The following COL25A1 variants were observed in gnomAD, a reference collection of about 807,000 sequenced individuals.
COL25A1 encodes the protein collagen alpha-1(XXV) chain.
A neutral mutation model predicts 128.4 loss-of-function variants in COL25A1; 103 were observed. The ratio of observed to expected loss-of-function variants is 0.80; its 90% CI spans 0.68 to 0.94. The LOEUF (loss-of-function observed/expected upper bound fraction) is 0.94. Among genes scored for constraint, COL25A1 ranks in the 40% least tolerant of loss-of-function variants. The probability of loss-of-function intolerance (pLI) is 0.00; values close to 1 mark genes in which losing one functional copy is unlikely to be tolerated. For synonymous variants in COL25A1, 279 were observed against 277.2 expected (o/e 1.01, Z -0.06); for missense variants, 745 against 840.0 (o/e 0.89, Z 1.40).
chr4:108,851,468 A>C (rs903266045), intron 26 of COL25A1, among the ~76,000 whole-genome samples: 1 of 152,142 alleles, frequency 6.6e-6, no homozygotes, highest in African/African-American at 2.4e-5. Context: ...TTAGCAAATA[A>C]ACTGCCTTAA....
At chr4:109,238,357 T>A (rs541365468) in intron 3 of COL25A1, among the ~76,000 whole-genome samples, 1 of 152,048 alleles carries the variant, frequency 6.6e-6, no homozygotes, top group African/African-American at 2.4e-5. Flanking sequence ...TGGCCCATTA[T>A]GATAATCTAA....
chr4:109,012,934 T>C (rs1756784801), intron 5 of COL25A1, among the ~76,000 whole-genome samples: 1 of 152,244 alleles, frequency 6.6e-6, no homozygotes, highest in Non-Finnish European at 1.5e-5. Context: ...GCTGGGCTCC[T>C]GAGTCAGGTG....
intron 5 of COL25A1, among the ~76,000 whole-genome samples, chr4:109,040,067 T>C (rs1477235334): frequency 6.6e-6 from 1 of 152,202 alleles, no homozygotes; most frequent in Non-Finnish European, 1.5e-5. Flanking sequence ...TCAAAAAGTA[T>C]AATAAAAATA....
intron 5 of COL25A1, among the ~76,000 whole-genome samples, chr4:109,043,661 A>G (rs1033102373): frequency 1.3e-5 from 2 of 152,246 alleles, no homozygotes; most frequent in South Asian, 2.1e-4. Context: ...TGAATATTAG[A>G]ATAACACTTC....
chr4:109,013,680 GC>G (rs1283690418), intron 5 of COL25A1, among the ~76,000 whole-genome samples: 1 of 151,430 alleles, frequency 6.6e-6, no homozygotes, highest in African/African-American at 2.4e-5. Context: ...CTCCAGACGC[GC>G]CACCTTAAGA....
intron 6 of COL25A1, among the ~76,000 whole-genome samples, chr4:108,982,598 G>A (rs1411601928): frequency 6.6e-6 from 1 of 152,144 alleles, no homozygotes; most frequent in Admixed American, 6.5e-5. Context: ...GTTTATTATA[G>A]TGTCAAACTC....
intron 5 of COL25A1, among the ~76,000 whole-genome samples, chr4:109,010,789 G>C (rs763507236): frequency 1.3e-5 from 2 of 152,148 alleles, no homozygotes; most frequent in African/African-American, 2.4e-5. Context: ...AAACATGACA[G>C]AGTTACGTTT....
chr4:108,863,332 G>T lies in COL25A1; in HGVS notation c.1139C>A (p.Ala380Asp), dbSNP rs201885298. 4 of 1,613,596 alleles carry T rather than the reference G, an allele frequency of 2.5e-6. No individual in the cohort carries two copies. In the African/African-American group the frequency reaches 4.0e-5, roughly 16 times the overall value. The change falls in exon 21 of 38, where the codon GCC becomes GAC. Residue 380 changes from alanine to aspartate, a missense_variant. Physicochemically the swap from Ala to Asp is moderately radical, Grantham distance 126. This residue lies in a region of COL25A1 where 387 missense variants were observed against 441.9 expected (regional missense o/e 0.88). Transcript: ENST00000399132. ...PGRGERGEPG[A>D]PGPKGKQGES... ...AGAATAACTCACCTTTGGTCCGGGG[G>T]CTCCAGGTTCCCCTCGCTCACCTCT...
At chr4:108,930,985 G>A (rs1746669233) in intron 11 of COL25A1, among the ~76,000 whole-genome samples, 1 of 151,986 alleles carries the variant, frequency 6.6e-6, no homozygotes, top group Non-Finnish European at 1.5e-5. Flanking sequence ...AATTTGATAA[G>A]ACAGATCAAT....
chr4:109,200,543 C>T (rs772536394), intron 3 of COL25A1, among the ~76,000 whole-genome samples: 13 of 152,180 alleles, frequency 8.5e-5, no homozygotes, highest in African/African-American at 2.4e-4. Flanking sequence ...CTGCAACCTC[C>T]GCCTCCTGGG....
intron 19 of COL25A1, among the ~76,000 whole-genome samples, chr4:108,882,514 T>C (rs1026308072): frequency 6.6e-5 from 10 of 152,206 alleles, no homozygotes; most frequent in Non-Finnish European, 1.5e-4. Flanking sequence ...GAGTATCACT[T>C]TCTTATCACT....
chr4:108,840,099 G>T (rs371319564), intron 31 of COL25A1, among the ~76,000 whole-genome samples: 2 of 151,834 alleles, frequency 1.3e-5, no homozygotes, highest in African/African-American at 4.8e-5. Context: ...AAAATTAGCC[G>T]GGCATGGTGG....
chr4:109,123,916 A>G (rs1768348935), intron 3 of COL25A1, among the ~76,000 whole-genome samples: 1 of 152,010 alleles, frequency 6.6e-6, no homozygotes, highest in South Asian at 2.1e-4. Context: ...CAAACAAGGT[A>G]AGTTTATACA....
At chr4:109,255,783 T>C (rs2126249695) in intron 3 of COL25A1, among the ~76,000 whole-genome samples, 2 of 152,308 alleles carry the variant, frequency 1.3e-5, no homozygotes, top group Middle Eastern at 3.4e-3. Flanking sequence ...GACAATCTCA[T>C]CTATATTTAC....
At chr4:109,179,253 A>T (rs1424311760) in intron 3 of COL25A1, among the ~76,000 whole-genome samples, 8 of 152,150 alleles carry the variant, frequency 5.3e-5, no homozygotes, top group Non-Finnish European at 8.8e-5. Flanking sequence ...TCCACTATTG[A>T]GTCCCAGCCT....
chr4:109,113,411 C>T (rs1288064866), intron 3 of COL25A1, among the ~76,000 whole-genome samples: 1 of 119,268 alleles, frequency 8.4e-6, no homozygotes, highest in African/African-American at 2.6e-5. Context: ...GATGGCTTAA[C>T]ATATATGGAT....
chr4:108,837,651 C>G (rs148612688), intron 31 of COL25A1, among the ~76,000 whole-genome samples: 67 of 152,320 alleles, frequency 4.4e-4, no homozygotes, highest in African/African-American at 1.3e-3. Flanking sequence ...GCATTGACCT[C>G]ACTCCATCAA....
chr4:108,934,841 A>T (rs1024148518), intron 11 of COL25A1, among the ~76,000 whole-genome samples: 2 of 152,212 alleles, frequency 1.3e-5, no homozygotes, highest in African/African-American at 4.8e-5. Context: ...TACATCTGTT[A>T]TATAAATCTA....
In COL25A1 at chr4:108,943,987, A is replaced by G. The variant is rs1748441177; in HGVS notation, c.493-2550T>C. On this transcript the variant is annotated intron_variant, in intron 8 of 37. Coordinates refer to ENST00000399132, the MANE Select transcript of COL25A1 (RefSeq NM_198721.4). ...CATTTTCTACATTTTTAATTTTATTAGTTTCATGAATATTTCACCCCCACA... is the reference window on the plus strand; with the variant it reads ...CATTTTCTACATTTTTAATTTTATTGGTTTCATGAATATTTCACCCCCACA... 2.0e-5 allele frequency among the ~76,000 whole-genome samples: 3 copies of G among 152,200 alleles called. No individual in the cohort carries two copies. The South Asian group carries it at 6.2e-4, about 31-fold the overall frequency.
Sources: gnomAD v4.1 joint callset for allele counts (sites outside exome capture counted in the v4.1 genomes callset) on GRCh38, gnomAD v4.1.1 for gene constraint, gnomAD v4.1.1 regional missense constraint, MANE v1.5 for transcripts, NCBI Gene and HGNC (gene_info 2026-07-23, HGNC 2026-07-21) for gene names.